IL1RAPL2: variants seen among roughly 807,000 people sequenced by gnomAD.
IL1RAPL2 encodes the protein interleukin 1 receptor accessory protein like 2, also known as X-linked interleukin-1 receptor accessory protein-like 2.
IL1RAPL2 carries 3 observed loss-of-function variants against 44.1 expected under a neutral mutation model. That is an observed-to-expected ratio of 0.07 (90% CI 0.03 to 0.18). IL1RAPL2 has a LOEUF of 0.18. Ranked by LOEUF, IL1RAPL2 falls within the 10% of genes least tolerant of loss-of-function variation. The probability of loss-of-function intolerance (pLI) is 1.00; values close to 1 mark genes in which losing one functional copy is unlikely to be tolerated. For missense variants in IL1RAPL2, 391 were observed against 496.4 expected, an observed-to-expected ratio of 0.79 and a Z score of 2.02; for synonymous variants, 181 against 178.8, an observed-to-expected ratio of 1.01 and a Z score of -0.10.
intron 2 of IL1RAPL2, among the ~76,000 whole-genome samples, chrX:104,886,063 T>C (rs1923234495): frequency 8.8e-6 from 1 of 113,027 alleles, no homozygotes; most frequent in Non-Finnish European, 1.9e-5. Flanking sequence ...TTCTCAGTGT[T>C]AATCTCCTGT....
At chrX:105,290,249 T>C (rs1329661585) in intron 5 of IL1RAPL2, among the ~76,000 whole-genome samples, 1 of 111,605 alleles carries the variant, frequency 9.0e-6, no homozygotes, top group Admixed American at 9.6e-5. Context: ...TAAGATATGG[T>C]CTCTGCCTTT....
At chrX:104,788,933 C>T (rs769071916) in intron 2 of IL1RAPL2, among the ~76,000 whole-genome samples, 2 of 111,298 alleles carry the variant, frequency 1.8e-5, no homozygotes, top group Admixed American at 1.9e-4. Flanking sequence ...AGTTCTAATC[C>T]CCTCCTCTGT....
intron 2 of IL1RAPL2, among the ~76,000 whole-genome samples, chrX:104,678,804 T>C (rs935962496): frequency 9.0e-6 from 1 of 110,501 alleles, no homozygotes; most frequent in African/African-American, 3.3e-5. Flanking sequence ...GAGGGGAACA[T>C]CACCCATGGG....
chrX:104,851,711 T>C (rs1922229815), intron 2 of IL1RAPL2, among the ~76,000 whole-genome samples: 2 of 111,647 alleles, frequency 1.8e-5, no homozygotes, highest in Non-Finnish European at 3.8e-5. Context: ...ACAGAATACC[T>C]GAGACTGGGT....
chrX:104,793,618 T>C (rs1444508795), intron 2 of IL1RAPL2, among the ~76,000 whole-genome samples: 1 of 111,941 alleles, frequency 8.9e-6, no homozygotes, highest in East Asian at 2.8e-4. Context: ...GGTGGCACAG[T>C]TGGATGATAG....
At chrX:105,277,524 C>T (rs2034495516) in intron 5 of IL1RAPL2, among the ~76,000 whole-genome samples, 1 of 111,294 alleles carries the variant, frequency 9.0e-6, no homozygotes, top group African/African-American at 3.3e-5. Context: ...GACCTGTTTT[C>T]TCTGCAGCTC....
intron 2 of IL1RAPL2, among the ~76,000 whole-genome samples, chrX:105,109,905 C>A (rs2032784492): frequency 1.8e-5 from 2 of 112,087 alleles, no homozygotes; most frequent in Non-Finnish European, 3.8e-5. Flanking sequence ...GAATTGCACA[C>A]ACTTATTTCA....
At chrX:105,722,174 T>C (rs181328466) in intron 7 of IL1RAPL2, among the ~76,000 whole-genome samples, 16 of 112,028 alleles carry the variant, frequency 1.4e-4, no homozygotes, top group African/African-American at 5.2e-4. Context: ...TACTGAATAC[T>C]GTAGGCAACT....
intron 2 of IL1RAPL2, among the ~76,000 whole-genome samples, chrX:105,017,921 C>T (rs1168367855): frequency 1.1e-4 from 12 of 111,904 alleles, no homozygotes; most frequent in Non-Finnish European, 7.5e-5. Flanking sequence ...AAATAGTGGA[C>T]TGCAATTAAC....
At chrX:105,293,935 A>T (rs984132252) in intron 5 of IL1RAPL2, among the ~76,000 whole-genome samples, 1 of 112,499 alleles carries the variant, frequency 8.9e-6, no homozygotes, top group Admixed American at 9.5e-5. Context: ...ATATGATTTA[A>T]CTAAAAGCAG....
intron 2 of IL1RAPL2, among the ~76,000 whole-genome samples, chrX:105,118,084 A>G (rs2032880773): frequency 8.9e-6 from 1 of 112,651 alleles, no homozygotes; most frequent in Non-Finnish European, 1.9e-5. Context: ...ATAAACCTCA[A>G]CAAATATTCA....
At chrX:105,447,075 T>TTATATATATATATATA (rs1205983853) in intron 5 of IL1RAPL2, among the ~76,000 whole-genome samples, 16 of 16,866 alleles carry the variant, frequency 9.5e-4, no homozygotes, top group African/African-American at 1.5e-3. Context: ...CTGGTTAAAA[T>TTATATATATATATATA]TATATATATA....
chrX:104,684,075 C>T (rs1217757539), intron 2 of IL1RAPL2, among the ~76,000 whole-genome samples: 1 of 111,701 alleles, frequency 9.0e-6, no homozygotes, highest in Non-Finnish European at 1.9e-5. Flanking sequence ...CTATAAGAAG[C>T]ACGATTAGTG....
chrX:105,244,078 A>G (rs1390590162), intron 4 of IL1RAPL2, among the ~76,000 whole-genome samples: 2 of 111,341 alleles, frequency 1.8e-5, no homozygotes, highest in African/African-American at 6.5e-5. Context: ...ACTTCAGTGC[A>G]TTGCCATTCA....
intron 2 of IL1RAPL2, among the ~76,000 whole-genome samples, chrX:105,083,963 A>T (rs1025022293): frequency 8.9e-6 from 1 of 112,174 alleles, no homozygotes; most frequent in African/African-American, 3.2e-5. Flanking sequence ...AACACATAAC[A>T]ATTGTTGCCT....
intron 2 of IL1RAPL2, among the ~76,000 whole-genome samples, chrX:104,762,052 C>T (rs1233003190): frequency 9.4e-6 from 1 of 106,429 alleles, no homozygotes; most frequent in Non-Finnish European, 1.9e-5. Flanking sequence ...GGCTGGAGTG[C>T]AATGGTGCAA....
At chrX:105,280,917 A>G (rs2034526891) in intron 5 of IL1RAPL2, among the ~76,000 whole-genome samples, 1 of 111,650 alleles carries the variant, frequency 9.0e-6, no homozygotes, top group African/African-American at 3.3e-5. Context: ...CAGCCATCCC[A>G]TTACTGGGTA....
intron 1 of IL1RAPL2, among the ~76,000 whole-genome samples, chrX:104,597,228 C>T (rs759484902): frequency 9.2e-6 from 1 of 108,835 alleles, no homozygotes. Flanking sequence ...CCTGTAGTCC[C>T]AGCTACTCAG....
Position 105,455,461 on chromosome X carries a change from A to G in IL1RAPL2, c.698-28852A>G, listed in dbSNP as rs752576127. 5.5e-4 allele frequency among the ~76,000 whole-genome samples: 62 copies of G among 112,168 alleles called. 1 individual carries two copies. Among genetic ancestry groups the G allele is most frequent in the African/African-American group, 2.0e-3 (61 of 30,890 alleles). The stretch of plus-strand genomic sequence containing the variant: ...GGGTTTTTATAGTTTTAGGTTTTAC[A>G]TTTAAGTCTTCAATCCACCTTGTGT... On this transcript the variant is annotated intron_variant, in intron 5 of 10. Transcript: ENST00000372582.
Sources: gnomAD v4.1 joint callset for allele counts (sites outside exome capture counted in the v4.1 genomes callset) on GRCh38, gnomAD v4.1.1 for gene constraint, MANE v1.5 for transcripts, NCBI Gene and HGNC (gene_info 2026-07-23, HGNC 2026-07-21) for gene names.